DLGAP2: variants seen among roughly 807,000 people sequenced by gnomAD.
DLGAP2 encodes the protein disks large-associated protein 2.
In DLGAP2, 26 loss-of-function variants were observed where a neutral mutation model predicts 100.3. That is an observed-to-expected ratio of 0.26 (90% CI 0.19 to 0.36). The LOEUF (loss-of-function observed/expected upper bound fraction) is 0.36. Among genes scored for constraint, DLGAP2 ranks in the 10% least tolerant of loss-of-function variants. DLGAP2 has a pLI of 1.00. For missense variants in DLGAP2, 1,858 were observed against 1,453.2 expected (o/e 1.28, Z -4.53); for synonymous variants, 886 against 630.1 (o/e 1.41, Z -6.08).
intron 2 of DLGAP2, among the ~76,000 whole-genome samples, chr8:952,383 C>T (rs1451945536): frequency 1.3e-5 from 2 of 152,194 alleles, no homozygotes; most frequent in South Asian, 2.1e-4. Context: ...TTTAGTGCTT[C>T]ATTTAAAAAT....
intron 3 of DLGAP2, among the ~76,000 whole-genome samples, chr8:1,434,743 G>T (rs1797566264): frequency 6.6e-6 from 1 of 152,198 alleles, no homozygotes; most frequent in African/African-American, 2.4e-5. Context: ...CCAAAGTGCT[G>T]GGATTACAGG....
intron 3 of DLGAP2, among the ~76,000 whole-genome samples, chr8:1,271,274 C>T (rs1799577121): frequency 1.3e-5 from 2 of 152,160 alleles, no homozygotes; most frequent in Non-Finnish European, 1.5e-5. Context: ...CTCCAGCCAG[C>T]GGTGTGACTT....
chr8:797,622 A>G (rs1796062549), intron 1 of DLGAP2, among the ~76,000 whole-genome samples: 1 of 152,158 alleles, frequency 6.6e-6, no homozygotes, highest in African/African-American at 2.4e-5. Context: ...CTTTTGGAGA[A>G]CTTGGCACAC....
intron 1 of DLGAP2, among the ~76,000 whole-genome samples, chr8:884,682 C>T (rs1319816496): frequency 6.6e-6 from 1 of 152,136 alleles, no homozygotes; most frequent in African/African-American, 2.4e-5. Flanking sequence ...CTGCTTTTGG[C>T]ATTTTTCAAT....
At chr8:966,802 A>G (rs1799882968) in intron 2 of DLGAP2, among the ~76,000 whole-genome samples, 1 of 152,178 alleles carries the variant, frequency 6.6e-6, no homozygotes, top group South Asian at 2.1e-4. Context: ...TGTTGTTAGG[A>G]TGGTCAACCT....
intron 2 of DLGAP2, among the ~76,000 whole-genome samples, chr8:1,246,002 C>T (rs917383152): frequency 2.0e-5 from 3 of 152,198 alleles, no homozygotes; most frequent in African/African-American, 7.2e-5. Flanking sequence ...AGAACTCTTT[C>T]TACTTCTACA....
At chr8:1,230,126 C>T (rs756590156) in intron 2 of DLGAP2, among the ~76,000 whole-genome samples, 2 of 152,156 alleles carry the variant, frequency 1.3e-5, no homozygotes, top group African/African-American at 4.8e-5. Context: ...AAGACTCTGC[C>T]AAAGGGCTCC....
intron 7 of DLGAP2, among the ~76,000 whole-genome samples, chr8:1,627,695 G>A (rs1020597429): frequency 1.3e-5 from 2 of 152,020 alleles, no homozygotes; most frequent in African/African-American, 2.4e-5. Context: ...AGCCTGAGCC[G>A]ACCTCACATT....
At chr8:1,169,519 G>A (rs1423903796) in intron 2 of DLGAP2, among the ~76,000 whole-genome samples, 2 of 152,142 alleles carry the variant, frequency 1.3e-5, no homozygotes, top group Non-Finnish European at 2.9e-5. Context: ...CATGAGCATG[G>A]AATGTTCTTC....
At chr8:1,067,164 C>G (rs1203673838) in intron 2 of DLGAP2, among the ~76,000 whole-genome samples, 1 of 152,212 alleles carries the variant, frequency 6.6e-6, no homozygotes, top group African/African-American at 2.4e-5. Flanking sequence ...AGGGCTGTGG[C>G]CACGTTGTCC....
At chr8:1,507,079 C>T (rs919320253) in intron 4 of DLGAP2, among the ~76,000 whole-genome samples, 6 of 152,260 alleles carry the variant, frequency 3.9e-5, no homozygotes, top group African/African-American at 1.4e-4. Flanking sequence ...AAGTCCCCAC[C>T]GGACTCAGGA....
At position 1,347,251 on chromosome 8, in the gene DLGAP2, G is replaced by C. The variant is rs564212219; in HGVS notation, c.106+88368G>C. On this transcript the variant is annotated intron_variant, in intron 3 of 14. Coordinates refer to ENST00000637795, the MANE Select transcript of DLGAP2 (RefSeq NM_001346810.2). ...ATTGCTCTAATGGTGGCTGTGTGTA[G>C]GTTGAGTTCCCACATAGAGCTACAC... 5.6e-4 allele frequency among the ~76,000 whole-genome samples: 84 copies of C among 150,556 alleles called. 1 individual carries two copies. The highest frequency in any genetic ancestry group is 1.9e-3 in the African/African-American group (78 of 40,756).
intron 1 of DLGAP2, among the ~76,000 whole-genome samples, chr8:871,524 G>T (rs535011088): frequency 6.6e-6 from 1 of 152,222 alleles, no homozygotes; most frequent in East Asian, 1.9e-4. Flanking sequence ...TTTTGATTGG[G>T]ATTATCCAGG....
rs9969494 is a variant in DLGAP2 at position 1,607,990 on chromosome 8, C to A, written c.1443-18750C>A. Among the ~76,000 whole-genome samples the A allele has an allele frequency of 9.9e-3, 1,273 of 128,692 alleles. 9 individuals carry two copies. Among genetic ancestry groups the A allele is most frequent in the Admixed American group, 0.075 (945 of 12,524 alleles). The allele number at this position is 128,692 out of a possible 152,430, so 84.4% of individuals were successfully genotyped here. On this transcript the variant is annotated intron_variant, in intron 6 of 14. Transcript: ENST00000637795. The stretch of plus-strand genomic sequence containing the variant: ...GGGCGCCCGCCATTGCCCAGGCTTG[C>A]TTAGGTAAACAAAGCAGCCGGGAAG...
chr8:1,143,755 A>G (rs907922438), intron 2 of DLGAP2, among the ~76,000 whole-genome samples: 1 of 151,742 alleles, frequency 6.6e-6, no homozygotes, highest in Non-Finnish European at 1.5e-5. Context: ...TTCAAACCCA[A>G]CCTCCCCAAC....
intron 2 of DLGAP2, among the ~76,000 whole-genome samples, chr8:980,953 A>T (rs1415833538): frequency 6.6e-6 from 1 of 152,160 alleles, no homozygotes; most frequent in Admixed American, 6.5e-5. Context: ...CATTTTAATC[A>T]TCTGGGTTCA....
intron 12 of DLGAP2, 60 bp downstream of exon 12, chr8:1,678,689 C>T: frequency 9.9e-6 from 14 of 1,417,030 alleles, no homozygotes; most frequent in Non-Finnish European, 1.2e-5. Context: ...TGCAAATATG[C>T]ACATCACAGC....
intron 6 of DLGAP2, among the ~76,000 whole-genome samples, chr8:1,615,913 T>C (rs1797138280): frequency 7.2e-6 from 1 of 139,372 alleles, no homozygotes; most frequent in African/African-American, 2.4e-5. Context: ...TTATGAATGA[T>C]ATAAAAATGT....
chr8:1,624,903 AAGTC>A (rs1797453510), intron 6 of DLGAP2, among the ~76,000 whole-genome samples: 1 of 137,694 alleles, frequency 7.3e-6, no homozygotes, highest in Non-Finnish European at 1.5e-5. Context: ...TTTTTGGTCT[AAGTC>A]AGGGAGGGGA....
Sources: allele counts gnomAD v4.1 joint callset (sites outside exome capture counted in the v4.1 genomes callset), GRCh38; gene constraint gnomAD v4.1.1; transcripts MANE v1.5; gene names NCBI Gene and HGNC (gene_info 2026-07-23, HGNC 2026-07-21).